Variants in MAP3K20 observed in about 807,000 individuals in gnomAD.
MAP3K20 encodes the protein HCCS-4.
In MAP3K20, 40 loss-of-function variants were observed where a neutral mutation model predicts 85.7. That is an observed-to-expected ratio of 0.47 (90% confidence interval 0.36 to 0.61). The LOEUF is 0.61. Among genes scored for constraint, MAP3K20 ranks in the 20% least tolerant of loss-of-function variants. The probability of loss-of-function intolerance (pLI) is 0.00; values close to 1 mark genes in which losing one functional copy is unlikely to be tolerated. For missense variants in MAP3K20, 817 were observed against 961.7 expected (o/e 0.85, Z 1.99); for synonymous variants, 325 against 327.7 (o/e 0.99, Z 0.09).
intron 2 of MAP3K20, among the ~76,000 whole-genome samples, chr2:173,127,769 C>T (rs1262613501): frequency 1.3e-5 from 2 of 152,058 alleles, no homozygotes; most frequent in Admixed American, 1.3e-4. Context: ...AAAGGCTGCC[C>T]CATAATTCAT....
At chr2:173,263,598 G>A (rs1245540281) in intron 18 of MAP3K20, 147 bp from the exon 19 acceptor site, 1 of 752,054 alleles carries the variant, frequency 1.3e-6, no homozygotes, top group African/African-American at 1.8e-5. Context: ...TATTTTCCTA[G>A]TGCATTATGA....
At chr2:173,168,329 A>G (rs984112064) in intron 2 of MAP3K20, among the ~76,000 whole-genome samples, 3 of 152,156 alleles carry the variant, frequency 2.0e-5, no homozygotes, top group Non-Finnish European at 4.4e-5. Context: ...CCCCTTTGAC[A>G]CATGTATTAC....
At chr2:173,128,035 A>G (rs1688493901) in intron 2 of MAP3K20, among the ~76,000 whole-genome samples, 1 of 152,176 alleles carries the variant, frequency 6.6e-6, no homozygotes, top group Non-Finnish European at 1.5e-5. Flanking sequence ...CAAATGAACC[A>G]TACCTATTTT....
intron 2 of MAP3K20, among the ~76,000 whole-genome samples, chr2:173,115,408 C>A (rs1488308238): frequency 1.3e-5 from 2 of 152,114 alleles, no homozygotes; most frequent in Non-Finnish European, 2.9e-5. Flanking sequence ...AATTCTTTTT[C>A]AGGTAAATAA....
intron 7 of MAP3K20, 52 bp from the exon 8 acceptor site, chr2:173,197,974 A>T: frequency 1.3e-6 from 2 of 1,546,506 alleles, no homozygotes; most frequent in South Asian, 1.1e-5. Context: ...AGTAATATGT[A>T]CCAAAAAATA....
At chr2:173,234,273 C>T (rs137980494) in intron 14 of MAP3K20, among the ~76,000 whole-genome samples, 3 of 152,198 alleles carry the variant, frequency 2.0e-5, no homozygotes, top group African/African-American at 7.2e-5. Context: ...CAAGGGTGGC[C>T]CTGGATAACC....
At chr2:173,180,326 G>A (rs977778217) in intron 3 of MAP3K20, among the ~76,000 whole-genome samples, 1 of 152,152 alleles carries the variant, frequency 6.6e-6, no homozygotes, top group Non-Finnish European at 1.5e-5. Context: ...GATTGGCAAT[G>A]GATTTTCAAC....
chr2:173,145,455 G>A (rs925225680), intron 2 of MAP3K20, among the ~76,000 whole-genome samples: 1 of 152,124 alleles, frequency 6.6e-6, no homozygotes, highest in Admixed American at 6.5e-5. Flanking sequence ...TTCAAAAATA[G>A]GTAGAGGATT....
intron 9 of MAP3K20, among the ~76,000 whole-genome samples, chr2:173,209,467 A>G (rs1683804824): frequency 6.6e-6 from 1 of 152,244 alleles, no homozygotes; most frequent in Non-Finnish European, 1.5e-5. Context: ...GACAAAAAAC[A>G]TGAATTATCC....
At chr2:173,232,571 T>C in intron 14 of MAP3K20, 112 bp downstream of exon 14, 6 of 1,485,096 alleles carry the variant, frequency 4.0e-6, no homozygotes, top group Non-Finnish European at 5.4e-6. Flanking sequence ...AGGCACAATC[T>C]TGGCTCGTTG....
intron 3 of MAP3K20, among the ~76,000 whole-genome samples, chr2:173,179,704 GCACACACACACA>G (rs71018541): frequency 3.8e-4 from 55 of 146,176 alleles, no homozygotes; most frequent in African/African-American, 1.3e-3. Context: ...TAAGGAATGC[GCACACACACACA>G]CACACACACA....
At chr2:173,130,696 G>A (rs1323601938) in intron 2 of MAP3K20, among the ~76,000 whole-genome samples, 2 of 152,200 alleles carry the variant, frequency 1.3e-5, no homozygotes, top group African/African-American at 4.8e-5. Flanking sequence ...TGATCAGTCT[G>A]GGACGGTGCT....
intron 17 of MAP3K20, among the ~76,000 whole-genome samples, chr2:173,260,669 G>A (rs1053088903): frequency 6.6e-6 from 1 of 152,292 alleles, no homozygotes; most frequent in African/African-American, 2.4e-5. Flanking sequence ...AACCAGCCAC[G>A]GCTTTACTCA....
intron 2 of MAP3K20, among the ~76,000 whole-genome samples, chr2:173,141,367 C>T (rs1229751182): frequency 1.3e-5 from 2 of 152,094 alleles, no homozygotes; most frequent in Non-Finnish European, 2.9e-5. Context: ...AGAGCAGAAT[C>T]AGTAATTCAG....
At chr2:173,233,535 T>C (rs998772049) in intron 14 of MAP3K20, among the ~76,000 whole-genome samples, 2 of 152,150 alleles carry the variant, frequency 1.3e-5, no homozygotes, top group Admixed American at 1.3e-4. Flanking sequence ...TCAAGAGAGA[T>C]CTTAGAATAA....
chr2:173,213,917 T>G (rs1683990789), intron 10 of MAP3K20, among the ~76,000 whole-genome samples: 1 of 152,188 alleles, frequency 6.6e-6, no homozygotes, highest in African/African-American at 2.4e-5. Flanking sequence ...GACAACACAT[T>G]CAGACTACTC....
intron 2 of MAP3K20, among the ~76,000 whole-genome samples, chr2:173,119,918 CT>C (rs1688231356): frequency 6.6e-6 from 1 of 152,056 alleles, no homozygotes; most frequent in South Asian, 2.1e-4. Flanking sequence ...AAGTTAGCCT[CT>C]AACAATTTGT....
Position 173,223,662 on chromosome 2 carries a change from G to A in MAP3K20, c.988-6027G>A, listed in dbSNP as rs371391908. ...TATGAGCCCTGGCCAGCTTAACCTG[G>A]TCTGAGGTGAGACTAAACACAAAAA... On this transcript the variant is annotated intron_variant, in intron 11 of 19. Coordinates refer to ENST00000375213, the MANE Select transcript of MAP3K20 (RefSeq NM_016653.3). 11 of 985,330 alleles carry A rather than the reference G, an allele frequency of 1.1e-5. No individual in the cohort carries two copies. The African/African-American group carries it at 1.7e-4, about 16-fold the overall frequency. 61.0% of individuals were successfully genotyped at this position (985,330 alleles called of 1,614,324 possible).
chr2:173,083,296 T>C (rs1687058612), intron 1 of MAP3K20, among the ~76,000 whole-genome samples: 1 of 152,218 alleles, frequency 6.6e-6, no homozygotes, highest in Non-Finnish European at 1.5e-5. Flanking sequence ...AAATATCTGG[T>C]AGATACAGTA....
Sources: allele counts gnomAD v4.1 joint callset (sites outside exome capture counted in the v4.1 genomes callset), GRCh38; gene constraint gnomAD v4.1.1; transcripts MANE v1.5; gene names NCBI Gene and HGNC (gene_info 2026-07-23, HGNC 2026-07-21).